The following MAGI2 variants were observed in gnomAD, a reference collection of about 807,000 sequenced individuals.
MAGI2 encodes the protein membrane-associated guanylate kinase, WW and PDZ domain-containing protein 2.
Under a neutral mutation model 133.3 loss-of-function variants are expected in MAGI2, and 35 were observed. The ratio of observed to expected loss-of-function variants is 0.26; its 90% CI spans 0.20 to 0.35. MAGI2 has a LOEUF of 0.35. Ranked by LOEUF, MAGI2 falls within the 10% of genes least tolerant of loss-of-function variation. MAGI2 has a pLI of 1.00. For missense variants in MAGI2, 1,636 were observed against 1,863.4 expected (o/e 0.88, Z 2.25); for synonymous variants, 729 against 710.6 (o/e 1.03, Z -0.41).
rs1791178953 is a variant in MAGI2 at position 78,241,864 on chromosome 7, G to A, written c.2047+14079C>T. On this transcript the variant is annotated intron_variant, in intron 10 of 21. Transcript: ENST00000354212. Reference sequence around the variant, plus strand: ...CAGGAGAATCACTTGAACCCAGGAGGTGGAGGCTGCAGTGAGCCGAGATCA... The same window carrying A: ...CAGGAGAATCACTTGAACCCAGGAGATGGAGGCTGCAGTGAGCCGAGATCA... Among the ~76,000 whole-genome samples the A allele has an allele frequency of 4.6e-5, 7 of 151,904 alleles. No homozygotes were observed. The South Asian group carries it at 1.5e-3, about 32-fold the overall frequency.
At chr7:78,361,178 G>A (rs1033257786) in intron 7 of MAGI2, among the ~76,000 whole-genome samples, 13 of 151,996 alleles carry the variant, frequency 8.6e-5, no homozygotes, top group South Asian at 8.3e-4. Flanking sequence ...GGTGGATCAC[G>A]AGGTCAGGAG....
intron 1 of MAGI2, among the ~76,000 whole-genome samples, chr7:79,149,978 G>A (rs960137096): frequency 1.3e-4 from 20 of 152,076 alleles, no homozygotes; most frequent in African/African-American, 4.8e-4. Context: ...GATATGCAGG[G>A]GAGGATTTGT....
At chr7:78,687,959 G>T in intron 2 of MAGI2, among the ~76,000 whole-genome samples, 1 of 109,812 alleles carries the variant, frequency 9.1e-6, no homozygotes, top group East Asian at 3.0e-4. Flanking sequence ...AAGAGAGTGA[G>T]TCCTTGCCTT....
chr7:78,753,842 C>T (rs1823687876), intron 2 of MAGI2, among the ~76,000 whole-genome samples: 3 of 151,940 alleles, frequency 2.0e-5, no homozygotes, highest in Admixed American at 2.0e-4. Context: ...CAAATGATGG[C>T]TAAATTCTCC....
chr7:79,431,630 T>C (rs886613865), intron 1 of MAGI2, among the ~76,000 whole-genome samples: 1 of 152,136 alleles, frequency 6.6e-6, no homozygotes, highest in Non-Finnish European at 1.5e-5. Context: ...AGCATGAAAA[T>C]GAGCAATTAG....
At chr7:78,131,024 T>C (rs1821505392) in intron 18 of MAGI2, among the ~76,000 whole-genome samples, 1 of 152,128 alleles carries the variant, frequency 6.6e-6, no homozygotes, top group African/African-American at 2.4e-5. Context: ...TCCAGGGAAA[T>C]CTGACTCTGG....
chr7:78,659,478 C>G (rs540085797), intron 2 of MAGI2, among the ~76,000 whole-genome samples: 3 of 146,892 alleles, frequency 2.0e-5, no homozygotes, highest in Admixed American at 6.7e-5. Flanking sequence ...CAAAGAAAAC[C>G]CTGTAAGAAT....
At chr7:78,720,626 T>C (rs1037454377) in intron 2 of MAGI2, among the ~76,000 whole-genome samples, 1 of 152,078 alleles carries the variant, frequency 6.6e-6, no homozygotes, top group Non-Finnish European at 1.5e-5. Context: ...GACACCACCA[T>C]ATACAAAGCA....
At chr7:78,334,440 T>C (rs961966785) in intron 9 of MAGI2, among the ~76,000 whole-genome samples, 1 of 152,216 alleles carries the variant, frequency 6.6e-6, no homozygotes, top group African/African-American at 2.4e-5. Flanking sequence ...AAACTGCTCA[T>C]AGTCCAACAT....
intron 1 of MAGI2, among the ~76,000 whole-genome samples, chr7:79,179,616 A>G (rs1826436910): frequency 6.6e-6 from 1 of 152,000 alleles, no homozygotes; most frequent in Admixed American, 6.6e-5. Flanking sequence ...CCAGGAATAA[A>G]TCTACATATT....
At chr7:78,383,151 G>C (rs1162163676) in intron 6 of MAGI2, among the ~76,000 whole-genome samples, 1 of 151,942 alleles carries the variant, frequency 6.6e-6, no homozygotes, top group Non-Finnish European at 1.5e-5. Flanking sequence ...TGAATTAAAC[G>C]GTGATTCTAT....
At chr7:78,319,537 TA>T (rs1787779029) in intron 9 of MAGI2, among the ~76,000 whole-genome samples, 1 of 152,110 alleles carries the variant, frequency 6.6e-6, no homozygotes, top group South Asian at 2.1e-4. Flanking sequence ...GCTGGGTACA[TA>T]AAGAAATAAA....
At chr7:78,923,384 A>C (rs1238747852) in intron 2 of MAGI2, among the ~76,000 whole-genome samples, 1 of 152,208 alleles carries the variant, frequency 6.6e-6, no homozygotes, top group African/African-American at 2.4e-5. Flanking sequence ...GGTGTAAGGA[A>C]GGGATCCAGC....
At chr7:78,877,254 T>C (rs910721474) in intron 2 of MAGI2, among the ~76,000 whole-genome samples, 3 of 152,264 alleles carry the variant, frequency 2.0e-5, no homozygotes, top group Non-Finnish European at 2.9e-5. Flanking sequence ...TGTTGTGTTA[T>C]GTATTCTAAT....
intron 10 of MAGI2, among the ~76,000 whole-genome samples, chr7:78,202,993 C>A (rs1308022289): frequency 6.6e-6 from 1 of 152,120 alleles, no homozygotes; most frequent in African/African-American, 2.4e-5. Context: ...CCAATGAAAA[C>A]AATTTGACCA....
chr7:79,213,558 G>C (rs1377301617), intron 1 of MAGI2, among the ~76,000 whole-genome samples: 1 of 151,968 alleles, frequency 6.6e-6, no homozygotes, highest in African/African-American at 2.4e-5. Context: ...ATTTTGTAAA[G>C]TTTTGAAGAA....
chr7:78,562,868 T>C (rs1300913610), intron 3 of MAGI2, among the ~76,000 whole-genome samples: 1 of 152,198 alleles, frequency 6.6e-6, no homozygotes, highest in Non-Finnish European at 1.5e-5. Context: ...CTTCTGCTAC[T>C]GAATTTTTGC....
intron 1 of MAGI2, among the ~76,000 whole-genome samples, chr7:79,028,474 C>T (rs1033730753): frequency 6.6e-6 from 1 of 150,820 alleles, no homozygotes; most frequent in Admixed American, 6.6e-5. Flanking sequence ...TAAAGGAAGC[C>T]GATGGTTAAC....
intron 9 of MAGI2, among the ~76,000 whole-genome samples, chr7:78,298,356 A>AAAG (rs1387842112): frequency 6.6e-6 from 1 of 152,238 alleles, no homozygotes; most frequent in Non-Finnish European, 1.5e-5. Context: ...AAATCTTAAT[A>AAAG]AAGTATAGAC....
Sources: gnomAD v4.1 joint callset for allele counts (sites outside exome capture counted in the v4.1 genomes callset) on GRCh38, gnomAD v4.1.1 for gene constraint, MANE v1.5 for transcripts, NCBI Gene and HGNC (gene_info 2026-07-23, HGNC 2026-07-21) for gene names.